The following PPL variants were observed in gnomAD, a reference collection of about 807,000 sequenced individuals.
The protein encoded by PPL is periplakin.
In PPL, 198 loss-of-function variants were observed where a neutral mutation model predicts 194.4. The observed-to-expected ratio is 1.02, with a 90% CI of 0.91 to 1.15. The LOEUF (loss-of-function observed/expected upper bound fraction) is 1.15, where lower values mean the gene tolerates loss of function less well. Ranked by LOEUF, PPL falls within the 50% of genes most tolerant of loss-of-function variation. The pLI is 0.00. For missense variants in PPL, 2,885 were observed against 2,294.8 expected (o/e 1.26, Z -5.25); for synonymous variants, 1,220 against 972.4 (o/e 1.25, Z -4.74).
At position 4,884,735 on chromosome 16, in the gene PPL, T is replaced by A. The variant is rs759355201; in HGVS notation, c.3920A>T (p.Glu1307Val). ...QFQEDPQTKE[E>V]VASLRAKLSE... is the part of the protein sequence containing the mutation. The stretch of plus-strand genomic sequence containing the variant: ...GAGCTTTGCCCTCAGAGACGCCACC[T>A]CCTCCTTGGTTTGAGGGTCTTCTTG... The change falls in exon 22 of 22, where the codon GAG becomes GTG. Residue 1307 changes from glutamate to valine, a missense_variant. Glu to Val is a moderately radical substitution (Grantham distance 121, BLOSUM62 -2). Coordinates refer to ENST00000345988, the MANE Select transcript of PPL (RefSeq NM_002705.5). The surrounding 1 kb of genome is among the most constrained non-coding windows in gnomAD (Gnocchi z 5.7). The A allele has an allele frequency of 1.9e-6, 3 of 1,614,130 alleles. No individual in the cohort carries two copies. The highest frequency in any genetic ancestry group is 1.7e-6 in the Non-Finnish European group (2 of 1,180,022).
Position 4,899,082 on chromosome 16 carries a change from TCTCTCCTCTTTGGC to T in PPL, c.793_806del (p.Ala265AsnfsTer23). On this transcript the variant is annotated frameshift_variant, in exon 8 of 22. Coordinates refer to ENST00000345988, the MANE Select transcript of PPL (RefSeq NM_002705.5). LOFTEE classifies it high-confidence loss of function. ...CGCCCTCGCTGTGCAGTTTGTTGAT[TCTCTCCTCTTTGGC>T]CTCCAGGTTCCGGTTGATGAAATTC... 1 of 1,613,288 alleles carries T rather than the reference TCTCTCCTCTTTGGC, an allele frequency of 6.2e-7. No homozygotes were observed. Among genetic ancestry groups the T allele is most frequent in the Non-Finnish European group, 8.5e-7 (1 of 1,179,682 alleles).
chr16:4,921,551 C>T (rs574168239), intron 1 of PPL, among the ~76,000 whole-genome samples: 1 of 152,336 alleles, frequency 6.6e-6, no homozygotes, highest in East Asian at 1.9e-4. Context: ...ACTGCAACCT[C>T]TGCCTCCTGG....
rs200614178 is a variant in PPL at position 4,899,044 on chromosome 16, G to A, written c.845C>T (p.Ala282Val). Reference protein sequence around the residue: ...KLHSEGDQLLAAEHPGRNSIE... With the variant: ...KLHSEGDQLLVAEHPGRNSIE... ...GGAGTTCCTCCCGGGGTGCTCGGCCGCCAGCAGCTGGTCGCCCTCGCTGTG... is the reference window on the plus strand; with the variant it reads ...GGAGTTCCTCCCGGGGTGCTCGGCCACCAGCAGCTGGTCGCCCTCGCTGTG... The change falls in exon 8 of 22, where the codon GCG (alanine) becomes GTG (valine). Residue 282 changes from alanine (A) to valine (V), a missense_variant. Physicochemically the swap from Ala to Val is moderately conservative, Grantham distance 64 (BLOSUM62 0). Transcript: ENST00000345988. 64 of 1,612,358 alleles carry A rather than the reference G, an allele frequency of 4.0e-5. No individual in the cohort carries two copies. The East Asian group carries it at 1.0e-3, about 26-fold the overall frequency.
At chr16:4,916,857 C>T (rs894986573) in intron 1 of PPL, among the ~76,000 whole-genome samples, 4 of 151,946 alleles carry the variant, frequency 2.6e-5, no homozygotes, top group Admixed American at 6.6e-5. Flanking sequence ...GGGCTGGATG[C>T]GGTGACTCAC....
In PPL at chr16:4,890,247, G is replaced by C. The variant is rs373787474; in HGVS notation, c.2250C>G (p.Pro750=). The change falls in exon 18 of 22, where the codon CCC becomes CCG. Residue 750 remains proline (P), a synonymous_variant. Transcript: ENST00000345988. The part of the protein sequence containing the change: ...DHVLQFLVSI[P]SYEPQETDSL... Reference sequence around the variant, plus strand: ...TGTCTGTCTCCTGGGGCTCGTAACTGGGGATGCTGACTAGGAACTGCAGCA... The same window carrying C: ...TGTCTGTCTCCTGGGGCTCGTAACTCGGGATGCTGACTAGGAACTGCAGCA... The C allele has an allele frequency of 1.2e-6, 2 of 1,614,062 alleles. No individual in the cohort carries two copies. The highest frequency in any genetic ancestry group is 4.5e-5 in the East Asian group (2 of 44,890).
chr16:4,885,250 G>T lies in PPL; in HGVS notation c.3405C>A (p.Arg1135=). ...ATEREVSDLT[R]QYEDEAAKAR... is the part of the protein sequence containing the mutation. Reference sequence around the variant, plus strand: ...CCTTGGCAGCCTCGTCCTCATATTGGCGGGTGAGATCGCTGACCTCCCTCT... The same window carrying T: ...CCTTGGCAGCCTCGTCCTCATATTGTCGGGTGAGATCGCTGACCTCCCTCT... Residue 1135 remains arginine (R), a synonymous_variant, in exon 22 of 22, where the codon CGC becomes CGA. Coordinates refer to ENST00000345988, the MANE Select transcript of PPL (RefSeq NM_002705.5). This position sits in a 1 kb window ranked among gnomAD's most constrained non-coding sequence, Gnocchi z 6.3. The T allele has an allele frequency of 6.2e-7, 1 of 1,613,168 alleles. No homozygotes were observed. Among genetic ancestry groups the T allele is most frequent in the Non-Finnish European group, 8.5e-7 (1 of 1,179,970 alleles).
rs1371329826 is a variant in PPL, at chr16:4,902,315, G to T, written c.438+91C>A. 6.4e-7 allele frequency: 1 copy of T among 1,552,286 alleles called. No individual in the cohort carries two copies. The highest frequency in any genetic ancestry group is 2.3e-5 in the East Asian group (1 of 43,836). Reference sequence around the variant, plus strand: ...CGACTGTCTCCCTGGTAAGACCCGGGATGCCCATTACATGGGTAGGCTCTC... The same window carrying T: ...CGACTGTCTCCCTGGTAAGACCCGGTATGCCCATTACATGGGTAGGCTCTC... On this transcript the variant is annotated intron_variant, in intron 4 of 21. Transcript: ENST00000345988. This position sits in a 1 kb window ranked among gnomAD's most constrained non-coding sequence, Gnocchi z 4.0.
Position 4,900,891 on chromosome 16 carries a change from C to A in PPL, c.565-20G>T, listed in dbSNP as rs553392367. On this transcript the variant is annotated intron_variant, in intron 5 of 21. Coordinates refer to ENST00000345988, the MANE Select transcript of PPL (RefSeq NM_002705.5). ...CTGCTCCTGAGGACAGAGCCGAGGG[C>A]ATGGGTCAGGGCCAGGAAGCAGGCG... is the stretch of plus-strand genomic sequence containing the variant. 1 of 1,614,132 alleles carries A rather than the reference C, an allele frequency of 6.2e-7. No homozygotes were observed. Among genetic ancestry groups the A allele is most frequent in the South Asian group, 1.1e-5 (1 of 91,086 alleles).
At chr16:4,931,660 A>G (rs2089227257) in intron 1 of PPL, among the ~76,000 whole-genome samples, 2 of 152,216 alleles carry the variant, frequency 1.3e-5, no homozygotes, top group African/African-American at 2.4e-5. Flanking sequence ...CTGGGAAGCC[A>G]GGGTTCTCTT....
In PPL at chr16:4,902,101, G is replaced by A. The variant is rs1440620008; in HGVS notation, c.438+305C>T. ...AGCCTGGCCGCTTCCGCCCCAGCCTGCCCACAAAATGTCACCAAGACCCCA... is the reference window on the plus strand; with the variant it reads ...AGCCTGGCCGCTTCCGCCCCAGCCTACCCACAAAATGTCACCAAGACCCCA... On this transcript the variant is annotated intron_variant, in intron 4 of 21. Transcript: ENST00000345988. This position sits in a 1 kb window ranked among gnomAD's most constrained non-coding sequence, Gnocchi z 4.0. 1.3e-5 allele frequency among the ~76,000 whole-genome samples: 2 copies of A among 152,194 alleles called. No individual in the cohort carries two copies. The highest frequency in any genetic ancestry group is 4.8e-5 in the African/African-American group (2 of 41,452).
Position 4,894,755 on chromosome 16 carries a change from G to A in PPL, c.1243-137C>T, listed in dbSNP as rs1028463132. ...TGGACCCTCCCCGTAGAGTGGGGAG[G>A]GGCATGCAGGAGAAGCACATGTGTT... is the stretch of plus-strand genomic sequence containing the variant. On this transcript the variant is annotated intron_variant, in intron 11 of 21. Transcript: ENST00000345988. 4.1e-6 allele frequency: 4 copies of A among 975,750 alleles called. No individual in the cohort carries two copies. The South Asian group carries it at 6.7e-5, about 16-fold the overall frequency. The allele number at this position is 975,750 out of a possible 1,614,324, so 60.4% of individuals were successfully genotyped here.
At chr16:4,927,702 A>G (rs1037094732) in intron 1 of PPL, among the ~76,000 whole-genome samples, 1 of 152,220 alleles carries the variant, frequency 6.6e-6, no homozygotes, top group African/African-American at 2.4e-5. Context: ...GTGGAAATAT[A>G]TCCTAAGATG....
chr16:4,908,272 G>A (rs2088742986), intron 2 of PPL, among the ~76,000 whole-genome samples: 1 of 151,732 alleles, frequency 6.6e-6, no homozygotes. Context: ...GCAGGAGGAT[G>A]GCTTGAGGCC....
intron 1 of PPL, among the ~76,000 whole-genome samples, chr16:4,917,422 T>G (rs1047744228): frequency 1.3e-5 from 2 of 152,140 alleles, no homozygotes; most frequent in Non-Finnish European, 2.9e-5. Context: ...TCACATATTA[T>G]TCCATTGATA....
intron 20 of PPL, among the ~76,000 whole-genome samples, chr16:4,887,545 C>G (rs977012019): frequency 6.6e-6 from 1 of 152,152 alleles, no homozygotes; most frequent in South Asian, 2.1e-4. Flanking sequence ...CTGAGGTGAG[C>G]AAAACAGGAA....
At position 4,885,613 on chromosome 16, in the gene PPL, C is replaced by T. The variant is rs551299211; in HGVS notation, c.3042G>A (p.Arg1014=). Residue 1014 remains arginine, a synonymous_variant, in exon 22 of 22, where the codon CGG becomes CGA. Coordinates refer to ENST00000345988, the MANE Select transcript of PPL (RefSeq NM_002705.5). The surrounding 1 kb of genome is among the most constrained non-coding windows in gnomAD (Gnocchi z 6.3). The part of the protein sequence containing the change: ...RAQADEVLQL[R]EELEALRRQK... ...GCCGCCTCAGTGCCTCCAGCTCCTC[C>T]CGCAGCTGCAAGACCTCATCCGCCT... is the stretch of plus-strand genomic sequence containing the variant. The T allele has an allele frequency of 6.2e-6, 10 of 1,612,766 alleles. No individual in the cohort carries two copies. Among genetic ancestry groups the T allele is most frequent in the Admixed American group, 1.7e-5 (1 of 59,938 alleles).
rs1157895828 is a variant in PPL at position 4,882,779 on chromosome 16, G to C, written c.*605C>G. The C allele has an allele frequency of 6.5e-6, 1 of 153,432 alleles. No individual in the cohort carries two copies. 9.5% of individuals were successfully genotyped at this position (153,432 alleles called of 1,614,324 possible). ...TCTCTGTAGGTGCCGGGACAGTCTG[G>C]TGGCTGACAATTAACGTCCACTCCA... On this transcript the variant is annotated 3_prime_UTR_variant, in exon 22 of 22. Transcript: ENST00000345988.
At chr16:4,894,275 T>C (rs2088376283) in intron 12 of PPL, among the ~76,000 whole-genome samples, 192 bp downstream of exon 12, 1 of 152,100 alleles carries the variant, frequency 6.6e-6, no homozygotes, top group East Asian at 1.9e-4. Context: ...AGCTAGACAT[T>C]CATGTTTAGC....
chr16:4,901,463 C>T (rs1419237083), intron 4 of PPL, among the ~76,000 whole-genome samples: 8 of 152,136 alleles, frequency 5.3e-5, no homozygotes, highest in African/African-American at 9.6e-5. Context: ...CCAATGGGGT[C>T]GGATCGCTTG....
Sources: allele counts gnomAD v4.1 joint callset (sites outside exome capture counted in the v4.1 genomes callset), GRCh38; gene constraint gnomAD v4.1.1; non-coding constraint Gnocchi (gnomAD v3.1); transcripts MANE v1.5; gene names NCBI Gene and HGNC (gene_info 2026-07-23, HGNC 2026-07-21).